The following MAGI1 variants were observed in gnomAD, a reference collection of about 807,000 sequenced individuals.
MAGI1 encodes the protein membrane associated guanylate kinase, WW and PDZ domain containing 1, also known as membrane-associated guanylate kinase, WW and PDZ domain-containing protein 1.
In MAGI1, 58 loss-of-function variants were observed where a neutral mutation model predicts 139.9. The ratio of observed to expected loss-of-function variants is 0.41; its 90% CI spans 0.34 to 0.52. The LOEUF (loss-of-function observed/expected upper bound fraction) is 0.52, where lower values mean the gene tolerates loss of function less well. MAGI1 is among the 20% of genes least tolerant of loss of function. The pLI, the probability that MAGI1 is intolerant of heterozygous loss-of-function variation, is 0.12. For missense variants in MAGI1, 1,874 were observed against 1,901.6 expected (o/e 0.99, Z 0.27); for synonymous variants, 812 against 737.9 (o/e 1.10, Z -1.63).
intron 1 of MAGI1, among the ~76,000 whole-genome samples, chr3:65,695,317 T>C (rs1051301366): frequency 1.3e-5 from 2 of 152,180 alleles, no homozygotes; most frequent in South Asian, 2.1e-4. Flanking sequence ...AAATAATAGA[T>C]GTGGCCAATC....
chr3:66,020,333 A>C (rs1243204544), intron 1 of MAGI1, among the ~76,000 whole-genome samples: 3 of 152,158 alleles, frequency 2.0e-5, no homozygotes, highest in African/African-American at 7.2e-5. Context: ...GCTACTTGGG[A>C]AGCAGAGGTA....
At chr3:65,702,777 C>T (rs903031099) in intron 1 of MAGI1, among the ~76,000 whole-genome samples, 1 of 152,046 alleles carries the variant, frequency 6.6e-6, no homozygotes, top group Non-Finnish European at 1.5e-5. Context: ...ATCTGAACTC[C>T]TTGAAAGCAG....
chr3:65,954,361 GGGGTT>G (rs2064010423), intron 1 of MAGI1: 1 of 152,474 alleles, frequency 6.6e-6, no homozygotes, highest in Non-Finnish European at 1.5e-5. Flanking sequence ...CAGCTAGAAC[GGGGTT>G]GCTCTGAAAG....
At chr3:65,900,755 G>T (rs556090861) in intron 1 of MAGI1, among the ~76,000 whole-genome samples, 1 of 152,250 alleles carries the variant, frequency 6.6e-6, no homozygotes, top group Non-Finnish European at 1.5e-5. Flanking sequence ...CATCATTTTC[G>T]CATAGAACGC....
intron 3 of MAGI1, among the ~76,000 whole-genome samples, chr3:65,492,652 C>CA (rs1352401600): frequency 6.6e-6 from 1 of 152,110 alleles, no homozygotes; most frequent in Non-Finnish European, 1.5e-5. Flanking sequence ...AATATCCATA[C>CA]AACAGGCATG....
At chr3:65,768,703 G>A (rs144321979) in intron 1 of MAGI1, among the ~76,000 whole-genome samples, 3 of 152,204 alleles carry the variant, frequency 2.0e-5, no homozygotes, top group Non-Finnish European at 2.9e-5. Flanking sequence ...TGGAGGCTCA[G>A]ATTTTTCCAG....
intron 18 of MAGI1, among the ~76,000 whole-genome samples, chr3:65,374,819 G>T (rs1295503711): frequency 6.6e-6 from 1 of 152,102 alleles, no homozygotes. Context: ...AAGAACCAAA[G>T]ATTTGAATTT....
Position 65,545,303 on chromosome 3 carries a change from A to AAG in MAGI1, c.431-51674_431-51673dup, listed in dbSNP as rs919308912. Reference sequence around the variant, plus strand: ...CCACTTACTTTTGATGGTTCAGCCAAAGAGAGAGAGAGAGAGATGGCATAC... The same window carrying AAG: ...CCACTTACTTTTGATGGTTCAGCCAAAGAGAGAGAGAGAGAGAGATGGCATAC... On this transcript the variant is annotated intron_variant, in intron 2 of 22. Coordinates refer to ENST00000402939, the MANE Select transcript of MAGI1 (RefSeq NM_001033057.2). Among the ~76,000 whole-genome samples, 110 of 151,074 alleles carry AAG rather than the reference A, an allele frequency of 7.3e-4. 1 individual carries two copies. The highest frequency in any genetic ancestry group is 2.5e-3 in the African/African-American group (104 of 41,326).
chr3:65,859,760 T>A (rs1347162522), intron 1 of MAGI1, among the ~76,000 whole-genome samples: 1 of 151,002 alleles, frequency 6.6e-6, no homozygotes, highest in Non-Finnish European at 1.5e-5. Flanking sequence ...AGCAGATAGA[T>A]CCCCCAAACA....
intron 1 of MAGI1, among the ~76,000 whole-genome samples, chr3:66,011,165 T>C (rs554877291): frequency 8.5e-5 from 13 of 152,284 alleles, no homozygotes; most frequent in African/African-American, 2.9e-4. Context: ...TGACAAAAGG[T>C]TGGAGATACC....
At chr3:65,826,675 T>C (rs7623266) in intron 1 of MAGI1, among the ~76,000 whole-genome samples, 271 of 152,310 alleles carry the variant, frequency 1.8e-3, no homozygotes, top group African/African-American at 6.2e-3. Context: ...TTTTAAAAAA[T>C]TGTCTCTAAT....
rs140630671 is a variant in MAGI1 at position 65,695,194 on chromosome 3, C to T, written c.314-73106G>A. ...GTAGAAAAAAGAGGGTCAGAGAGAA[C>T]TGAATTCAAGGAAGAAAGACAAAAA... On this transcript the variant is annotated intron_variant, in intron 1 of 22. Transcript: ENST00000402939. Among the ~76,000 whole-genome samples, 364 of 152,244 alleles carry T rather than the reference C, an allele frequency of 2.4e-3. 3 individuals carry two copies. The highest frequency in any genetic ancestry group is 8.2e-3 in the African/African-American group (342 of 41,558).
At chr3:65,516,533 A>G (rs1183548584) in intron 2 of MAGI1, among the ~76,000 whole-genome samples, 2 of 151,972 alleles carry the variant, frequency 1.3e-5, no homozygotes, top group Non-Finnish European at 2.9e-5. Context: ...CACTTAACTA[A>G]TAATAGAGGT....
At chr3:65,520,945 A>G (rs920568687) in intron 2 of MAGI1, among the ~76,000 whole-genome samples, 1 of 152,202 alleles carries the variant, frequency 6.6e-6, no homozygotes, top group Non-Finnish European at 1.5e-5. Context: ...ATATTAGCCA[A>G]TTCAGTGGAG....
intron 1 of MAGI1, among the ~76,000 whole-genome samples, chr3:65,925,657 T>C (rs968802558): frequency 2.0e-5 from 3 of 149,654 alleles, no homozygotes; most frequent in Non-Finnish European, 2.9e-5. Context: ...AATAGCTCTC[T>C]CATATAACCT....
chr3:66,029,773 G>C (rs1243683539), intron 1 of MAGI1, among the ~76,000 whole-genome samples: 4 of 152,172 alleles, frequency 2.6e-5, no homozygotes, highest in Non-Finnish European at 4.4e-5. Context: ...AGGGATTCAT[G>C]TTGGTGGGGA....
At chr3:65,570,351 C>T (rs2080898009) in intron 2 of MAGI1, among the ~76,000 whole-genome samples, 1 of 151,638 alleles carries the variant, frequency 6.6e-6, no homozygotes, top group Non-Finnish European at 1.5e-5. Context: ...ATCCACCAGC[C>T]TCAGCCTCCT....
chr3:65,914,789 T>C (rs1288462554), intron 1 of MAGI1, among the ~76,000 whole-genome samples: 2 of 152,208 alleles, frequency 1.3e-5, no homozygotes, highest in Non-Finnish European at 1.5e-5. Flanking sequence ...TATGTACATA[T>C]ACAAAGGGTT....
chr3:65,890,549 G>C (rs923564059), intron 1 of MAGI1, among the ~76,000 whole-genome samples: 1 of 152,138 alleles, frequency 6.6e-6, no homozygotes, highest in African/African-American at 2.4e-5. Flanking sequence ...ACAGATCCAA[G>C]GACCAAAATT....
Sources: allele counts gnomAD v4.1 joint callset (sites outside exome capture counted in the v4.1 genomes callset), GRCh38; gene constraint gnomAD v4.1.1; transcripts MANE v1.5; gene names NCBI Gene and HGNC (gene_info 2026-07-23, HGNC 2026-07-21).